Variants in CTNNA3 observed in about 807,000 individuals in gnomAD.
The protein encoded by CTNNA3 is catenin alpha 3.
CTNNA3 carries 76 observed loss-of-function variants against 95.7 expected under a neutral mutation model. The observed-to-expected ratio is 0.79, with a 90% CI of 0.66 to 0.96. The LOEUF (loss-of-function observed/expected upper bound fraction) is 0.96, where lower values mean the gene tolerates loss of function less well. CTNNA3 is among the 40% of genes least tolerant of loss of function. CTNNA3 has a pLI of 0.00. For synonymous variants in CTNNA3, 431 were observed against 374.4 expected (o/e 1.15, Z -1.74); for missense variants, 1,191 against 1,089.8 (o/e 1.09, Z -1.31).
intron 10 of CTNNA3, among the ~76,000 whole-genome samples, chr10:66,609,546 A>G (rs1353377424): frequency 1.3e-5 from 2 of 151,778 alleles, no homozygotes; most frequent in Non-Finnish European, 2.9e-5. Flanking sequence ...CAAAACCACA[A>G]TCAAATGCTA....
intron 13 of CTNNA3, among the ~76,000 whole-genome samples, chr10:66,246,083 A>T (rs2090310981): frequency 6.6e-6 from 1 of 152,220 alleles, no homozygotes; most frequent in Non-Finnish European, 1.5e-5. Context: ...CTCACCAGGG[A>T]TGTACCCCCT....
intron 5 of CTNNA3, among the ~76,000 whole-genome samples, chr10:67,447,429 A>AG (rs1302671827): frequency 2.0e-5 from 3 of 152,210 alleles, no homozygotes; most frequent in African/African-American, 7.2e-5. Context: ...ACCTTTGTGA[A>AG]GAGCATATCT....
intron 7 of CTNNA3, among the ~76,000 whole-genome samples, chr10:67,160,943 C>T (rs1332117536): frequency 6.6e-6 from 1 of 152,112 alleles, no homozygotes; most frequent in African/African-American, 2.4e-5. Context: ...AGAACAAATA[C>T]TGCATCATAC....
chr10:67,638,630 G>T (rs907406219), intron 2 of CTNNA3, among the ~76,000 whole-genome samples: 16 of 152,136 alleles, frequency 1.1e-4, no homozygotes, highest in Non-Finnish European at 1.9e-4. Context: ...CTCAGCAAAT[G>T]TAAAAGAACA....
At chr10:66,824,403 G>C (rs916060015) in intron 7 of CTNNA3, among the ~76,000 whole-genome samples, 12 of 152,110 alleles carry the variant, frequency 7.9e-5, no homozygotes, top group Non-Finnish European at 1.6e-4. Context: ...ATCTCAGAAG[G>C]ATTTCCTGGA....
chr10:67,489,441 AT>A (rs1848571205), intron 5 of CTNNA3, among the ~76,000 whole-genome samples: 1 of 152,086 alleles, frequency 6.6e-6, no homozygotes, highest in African/African-American at 2.4e-5. Flanking sequence ...GCAACTTGTC[AT>A]TTTTCATTTG....
At chr10:67,241,425 A>C (rs1019386830) in intron 5 of CTNNA3, among the ~76,000 whole-genome samples, 2 of 152,168 alleles carry the variant, frequency 1.3e-5, no homozygotes, top group African/African-American at 4.8e-5. Context: ...TGTTTCAAAA[A>C]AAAAAAAATC....
At chr10:66,340,116 C>T (rs1249725408) in intron 12 of CTNNA3, among the ~76,000 whole-genome samples, 1 of 151,806 alleles carries the variant, frequency 6.6e-6, no homozygotes. Context: ...ACACTTAGAG[C>T]TTGCCTAAAT....
rs1416153664 is a variant in CTNNA3 at position 66,089,788 on chromosome 10, T to C, written c.1977+13369A>G. Among the ~76,000 whole-genome samples, 5 of 151,534 alleles carry C rather than the reference T, an allele frequency of 3.3e-5. No homozygotes were observed. The South Asian group carries it at 8.3e-4, about 25-fold the overall frequency. ...TATATATATATATTACTAAATGTCA[T>C]ACTGTCACTAATAAAAAGAGCCAAG... is the stretch of plus-strand genomic sequence containing the variant. On this transcript the variant is annotated intron_variant, in intron 14 of 17. Transcript: ENST00000433211.
chr10:67,612,670 A>G (rs1297572539), intron 2 of CTNNA3, among the ~76,000 whole-genome samples: 1 of 152,218 alleles, frequency 6.6e-6, no homozygotes, highest in Non-Finnish European at 1.5e-5. Context: ...CAGCATGCCC[A>G]AAGTAGAGAA....
chr10:66,982,324 C>T (rs1850488097), intron 7 of CTNNA3, among the ~76,000 whole-genome samples: 1 of 152,146 alleles, frequency 6.6e-6, no homozygotes, highest in Non-Finnish European at 1.5e-5. Flanking sequence ...TGGAGTCAAA[C>T]AGAATTAGTT....
intron 11 of CTNNA3, among the ~76,000 whole-genome samples, chr10:66,448,878 C>T (rs111792574): frequency 3.9e-4 from 59 of 151,572 alleles, no homozygotes; most frequent in Admixed American, 5.9e-4. Flanking sequence ...CTTTAATGAC[C>T]TTTTGATCTA....
intron 5 of CTNNA3, among the ~76,000 whole-genome samples, chr10:67,342,519 C>T (rs142597918): frequency 0.012 from 1,898 of 152,282 alleles, 22 homozygotes; most frequent in Non-Finnish European, 0.022. Flanking sequence ...TTGCCCACTC[C>T]AATGTCCTGG....
At position 65,991,464 on chromosome 10, in the gene CTNNA3, T is replaced by C. The variant is rs376400590; in HGVS notation, c.2160-2667A>G. On this transcript the variant is annotated intron_variant, in intron 15 of 17. Coordinates refer to ENST00000433211, the MANE Select transcript of CTNNA3 (RefSeq NM_013266.4). ...CACCAGTGTTTTATAGTTTTGTTTG[T>C]AGAGGTTGGTTCTTGTTTGGTTAAA... 9.2e-5 allele frequency among the ~76,000 whole-genome samples: 14 copies of C among 152,174 alleles called. No individual in the cohort carries two copies. In the East Asian group the frequency reaches 2.7e-3, roughly 29 times the overall value.
At chr10:65,933,067 T>C (rs1021345893) in intron 17 of CTNNA3, among the ~76,000 whole-genome samples, 2 of 152,158 alleles carry the variant, frequency 1.3e-5, no homozygotes, top group African/African-American at 4.8e-5. Flanking sequence ...CTTTCCACTT[T>C]AGATTCCCTG....
At chr10:66,025,139 C>T (rs931888104) in intron 15 of CTNNA3, among the ~76,000 whole-genome samples, 6 of 152,210 alleles carry the variant, frequency 3.9e-5, no homozygotes, top group African/African-American at 1.4e-4. Flanking sequence ...GTTACATACT[C>T]TATTTGCATT....
intron 5 of CTNNA3, among the ~76,000 whole-genome samples, chr10:67,369,050 C>T (rs1051930441): frequency 1.3e-5 from 2 of 152,138 alleles, no homozygotes; most frequent in East Asian, 3.9e-4. Context: ...TCTTTTGAGC[C>T]TAAAAGCTAG....
intron 15 of CTNNA3, among the ~76,000 whole-genome samples, chr10:66,046,423 C>T (rs915202022): frequency 6.6e-6 from 1 of 152,102 alleles, no homozygotes; most frequent in African/African-American, 2.4e-5. Flanking sequence ...GGAGGTTAGA[C>T]CCCCATACAT....
chr10:67,231,065 G>C (rs1472691689), intron 5 of CTNNA3, among the ~76,000 whole-genome samples: 3 of 152,196 alleles, frequency 2.0e-5, no homozygotes, highest in African/African-American at 7.2e-5. Context: ...AGCAGTCTGA[G>C]ATCAAACTGC....
Sources: allele counts gnomAD v4.1 joint callset (sites outside exome capture counted in the v4.1 genomes callset), GRCh38; gene constraint gnomAD v4.1.1; transcripts MANE v1.5; gene names NCBI Gene and HGNC (gene_info 2026-07-23, HGNC 2026-07-21).